The following SNTG2 variants were observed in gnomAD, a reference collection of about 807,000 sequenced individuals.
SNTG2 encodes the protein syntrophin gamma 2.
A neutral mutation model predicts 70.9 loss-of-function variants in SNTG2; 74 were observed. That is an observed-to-expected ratio of 1.04 (90% confidence interval 0.86 to 1.27). The LOEUF is 1.27. Among genes scored for constraint, SNTG2 ranks in the 50% most tolerant of loss-of-function variants. SNTG2 has a pLI of 0.00. For synonymous variants in SNTG2, 278 were observed against 273.8 expected (o/e 1.02, Z -0.15); for missense variants, 717 against 690.7 (o/e 1.04, Z -0.43).
chr2:1,362,322 G>T (rs956079549), intron 16 of SNTG2, among the ~76,000 whole-genome samples: 1 of 151,958 alleles, frequency 6.6e-6, no homozygotes, highest in East Asian at 1.9e-4. Flanking sequence ...GAGCATTTCA[G>T]TAGAACTTCC....
chr2:1,179,403 G>A (rs1203411383), intron 8 of SNTG2, among the ~76,000 whole-genome samples: 2 of 152,114 alleles, frequency 1.3e-5, no homozygotes, highest in Non-Finnish European at 2.9e-5. Flanking sequence ...AAAATCACAA[G>A]CATTCTTATA....
intron 12 of SNTG2, among the ~76,000 whole-genome samples, chr2:1,248,250 T>C (rs1677552438): frequency 6.6e-6 from 1 of 152,222 alleles, no homozygotes; most frequent in Non-Finnish European, 1.5e-5. Flanking sequence ...TTGAGAATCA[T>C]TTCAGATTTA....
intron 16 of SNTG2, among the ~76,000 whole-genome samples, chr2:1,321,928 C>T (rs1032726491): frequency 2.6e-5 from 4 of 151,492 alleles, no homozygotes; most frequent in African/African-American, 9.7e-5. Context: ...TTCCTTCCTT[C>T]TCTCCTTCCT....
At chr2:1,083,273 T>A (rs1281348722) in intron 1 of SNTG2, among the ~76,000 whole-genome samples, 1 of 148,714 alleles carries the variant, frequency 6.7e-6, no homozygotes, top group Non-Finnish European at 1.5e-5. Context: ...AACGCCTGGC[T>A]AATTTTCTTT....
At chr2:1,131,024 A>C (rs1357379248) in intron 4 of SNTG2, among the ~76,000 whole-genome samples, 1 of 152,186 alleles carries the variant, frequency 6.6e-6, no homozygotes, top group Non-Finnish European at 1.5e-5. Context: ...TCAAGCAATG[A>C]TTATAGGATT....
rs560340772 is a variant in SNTG2 at position 983,965 on chromosome 2, T to G, written c.72+32897T>G. ...TGAGATGTCTGTGTCCCTGTGTCCC[T>G]GAGGGTCAGTGTCAAGAGGAGGCCA... On this transcript the variant is annotated intron_variant, in intron 1 of 16. Transcript: ENST00000308624. Among the ~76,000 whole-genome samples, 9 of 152,306 alleles carry G rather than the reference T, an allele frequency of 5.9e-5. No homozygotes were observed. The East Asian group carries it at 1.7e-3, about 30-fold the overall frequency.
intron 9 of SNTG2, among the ~76,000 whole-genome samples, chr2:1,212,788 T>C (rs2148002254): frequency 6.6e-6 from 1 of 152,296 alleles, no homozygotes; most frequent in South Asian, 2.1e-4. Flanking sequence ...GAGAAGAGAC[T>C]TGGGTGTGTT....
chr2:1,191,879 T>C (rs915825774), intron 8 of SNTG2, among the ~76,000 whole-genome samples: 1 of 151,838 alleles, frequency 6.6e-6, no homozygotes, highest in African/African-American at 2.4e-5. Context: ...ATATATTATA[T>C]ATGTACATAA....
chr2:1,210,173 T>A (rs533762294), intron 9 of SNTG2, among the ~76,000 whole-genome samples: 3 of 152,344 alleles, frequency 2.0e-5, no homozygotes, highest in Non-Finnish European at 4.4e-5. Context: ...AGGATGTTCA[T>A]GTTTGCGGAA....
chr2:1,277,289 C>T (rs563094781), intron 14 of SNTG2, among the ~76,000 whole-genome samples: 1 of 152,300 alleles, frequency 6.6e-6, no homozygotes, highest in East Asian at 1.9e-4. Flanking sequence ...ATGAGGCAGA[C>T]TTCATTGTTG....
At chr2:970,702 T>C (rs1370257439) in intron 1 of SNTG2, among the ~76,000 whole-genome samples, 1 of 149,152 alleles carries the variant, frequency 6.7e-6, no homozygotes, top group Non-Finnish European at 1.5e-5. Context: ...AAGTCTTTGC[T>C]ATTGTGAATA....
chr2:1,003,490 C>T (rs183948096), intron 1 of SNTG2, among the ~76,000 whole-genome samples: 4 of 152,282 alleles, frequency 2.6e-5, no homozygotes, highest in Admixed American at 2.6e-4. Flanking sequence ...ATTAACCAAG[C>T]ATTCATCATG....
At chr2:995,999 G>A (rs901300217) in intron 1 of SNTG2, among the ~76,000 whole-genome samples, 6 of 152,120 alleles carry the variant, frequency 3.9e-5, no homozygotes, top group South Asian at 2.1e-4. Context: ...CCCAAAAGTC[G>A]TTATTTAGTG....
intron 12 of SNTG2, among the ~76,000 whole-genome samples, chr2:1,255,873 AATATATATATAAATATATAT>A (rs1558602640): frequency 0.014 from 363 of 26,218 alleles, 11 homozygotes; most frequent in African/African-American, 0.051. Flanking sequence ...AATATATATA[AATATATATATAAATATATAT>A]AAATATATAT....
intron 7 of SNTG2, 115 bp downstream of exon 7, chr2:1,165,750 CAG>C: frequency 1.1e-6 from 1 of 890,934 alleles, no homozygotes; most frequent in Non-Finnish European, 1.7e-6. Context: ...AGTGTACATT[CAG>C]AGAGAAGAAA....
intron 1 of SNTG2, among the ~76,000 whole-genome samples, chr2:1,079,076 C>CT (rs1307530652): frequency 6.6e-6 from 1 of 152,192 alleles, no homozygotes; most frequent in East Asian, 1.9e-4. Context: ...GAAATGTATT[C>CT]AATTAGCTCA....
chr2:966,345 T>G (rs921547828), intron 1 of SNTG2, among the ~76,000 whole-genome samples: 2 of 152,266 alleles, frequency 1.3e-5, no homozygotes, highest in Non-Finnish European at 2.9e-5. Flanking sequence ...AATCTTTGCC[T>G]GATTCTGCAA....
At chr2:1,167,036 G>C (rs1460600791) in intron 7 of SNTG2, among the ~76,000 whole-genome samples, 1 of 152,206 alleles carries the variant, frequency 6.6e-6, no homozygotes. Flanking sequence ...CGTGGGATCT[G>C]ATTCTTCTGG....
intron 1 of SNTG2, among the ~76,000 whole-genome samples, chr2:956,083 A>G (rs1208890419): frequency 1.5e-5 from 1 of 64,580 alleles, no homozygotes; most frequent in Non-Finnish European, 2.9e-5. Context: ...GACTTGTGCC[A>G]AATGCTCCGC....
Sources: gnomAD v4.1 joint callset for allele counts (sites outside exome capture counted in the v4.1 genomes callset) on GRCh38, gnomAD v4.1.1 for gene constraint, MANE v1.5 for transcripts, NCBI Gene and HGNC (gene_info 2026-07-23, HGNC 2026-07-21) for gene names.